TPPP2: variants seen among roughly 807,000 people sequenced by gnomAD.
TPPP2 encodes the protein tubulin polymerization promoting protein family member 2.
A neutral mutation model predicts 13.0 loss-of-function variants in TPPP2; 8 were observed. That is an observed-to-expected ratio of 0.62 (90% confidence interval 0.36 to 1.11). TPPP2 has a LOEUF of 1.11. TPPP2 is among the 50% of genes most tolerant of loss of function. TPPP2 has a pLI of 0.02. For missense variants in TPPP2, 213 were observed against 216.9 expected (o/e 0.98, Z 0.11); for synonymous variants, 81 against 81.8 (o/e 0.99, Z 0.05).
downstream of TPPP2, chr14:21,033,772 G>A (rs1459362624): frequency 1.6e-6 from 2 of 1,230,080 alleles, no homozygotes; most frequent in Admixed American, 3.4e-5. Flanking sequence ...GTTGGAAATG[G>A]AGACAGCTGG....
chr14:21,025,696 TC>T, upstream of TPPP2: 1 of 976,022 alleles, frequency 1.0e-6, no homozygotes, highest in Non-Finnish European at 1.2e-6. This position sits in a 1 kb window ranked among gnomAD's most constrained non-coding sequence, Gnocchi z 5.1. Context: ...CTTTGCTGCG[TC>T]CCGACGCCTG....
At chr14:21,025,461 G>A (rs1330786767), upstream of TPPP2, 2 of 985,374 alleles carry the variant, frequency 2.0e-6, no homozygotes, top group South Asian at 4.7e-5. This position sits in a 1 kb window ranked among gnomAD's most constrained non-coding sequence, Gnocchi z 5.1. Context: ...CCGGTAGTGG[G>A]GAGACGAACC....
At chr14:21,027,746 C>T (rs562724540), upstream of TPPP2, among the ~76,000 whole-genome samples, 1 of 152,290 alleles carries the variant, frequency 6.6e-6, no homozygotes, top group Admixed American at 6.5e-5. Flanking sequence ...TTTCAGAAAT[C>T]CTCACGCCAG....
chr14:21,025,794 T>G, upstream of TPPP2: 1,602 of 359,508 alleles, frequency 4.5e-3, no homozygotes, highest in Non-Finnish European at 5.4e-3. This position sits in a 1 kb window ranked among gnomAD's most constrained non-coding sequence, Gnocchi z 5.1. Flanking sequence ...TAGAGGGCGA[T>G]CGCGGGCAGG....
rs369708277 is a variant in TPPP2 at position 21,032,070 on chromosome 14, C to T, written c.506C>T (p.Thr169Ile). ...GGTTCTGGCACCTACGATAAGAAGA[C>T]CAAGTAGAGAGGAGCTTCATCTCAG... ...YKGSGTYDKK[T>I]K The change falls in exon 4 of 4, where the codon ACC (threonine) becomes ATC (isoleucine). Residue 169 changes from threonine to isoleucine, a missense_variant. Transcript: ENST00000321760. 1.3e-4 allele frequency: 205 copies of T among 1,612,916 alleles called. 7 individuals are homozygous for T. In the South Asian group the frequency reaches 2.2e-3, roughly 17 times the overall value.
chr14:21,033,752 G>T, downstream of TPPP2: 1 of 1,076,660 alleles, frequency 9.3e-7, no homozygotes, highest in Non-Finnish European at 1.4e-6. Flanking sequence ...CTTGTTACAG[G>T]GATCAGAGTG....
downstream of TPPP2, chr14:21,033,522 C>T: frequency 2.3e-6 from 1 of 439,616 alleles, no homozygotes; most frequent in Non-Finnish European, 4.2e-6. Flanking sequence ...AGTGGGTGGA[C>T]AGTCACTGCC....
rs1883153712 is a variant in TPPP2 at position 21,025,046 on chromosome 14, G to A, written n.236+702G>A. On this transcript the variant is annotated intron_variant and non_coding_transcript_variant, in intron 1 of 1. Transcript: ENST00000533755. The surrounding 1 kb of genome is among the most constrained non-coding windows in gnomAD (Gnocchi z 5.1). ...CCCCCTACCTGCTGCCGCCGCGGCCGCTTCCACCTTCACTTGCCTTTGACT... is the reference window on the plus strand; with the variant it reads ...CCCCCTACCTGCTGCCGCCGCGGCCACTTCCACCTTCACTTGCCTTTGACT... The A allele has an allele frequency of 1.0e-6, 1 of 985,876 alleles. No individual in the cohort carries two copies. The highest frequency in any genetic ancestry group is 1.2e-6 in the Non-Finnish European group (1 of 830,452). The allele number at this position is 985,876 out of a possible 1,614,324, so 61.1% of individuals were successfully genotyped here. A position where few individuals can be genotyped will look rare whatever the true frequency, so the allele number is the denominator to read the frequency against.
upstream of TPPP2, chr14:21,025,276 C>A: frequency 2.2e-6 from 2 of 912,398 alleles, no homozygotes; most frequent in Non-Finnish European, 2.6e-6. The surrounding 1 kb of genome is among the most constrained non-coding windows in gnomAD (Gnocchi z 5.1). Context: ...AGGCTCTGCT[C>A]GGCTCACCAA....
At chr14:21,031,450 GA>G (rs1230703500) in intron 3 of TPPP2, among the ~76,000 whole-genome samples, 1 of 152,186 alleles carries the variant, frequency 6.6e-6, no homozygotes, top group Non-Finnish European at 1.5e-5. Flanking sequence ...TTAGTGTAGA[GA>G]ATTTGGTACC....
At chr14:21,031,616 C>A (rs900984563) in intron 3 of TPPP2, among the ~76,000 whole-genome samples, 2 of 152,092 alleles carry the variant, frequency 1.3e-5, no homozygotes, top group African/African-American at 4.8e-5. Context: ...CAGGCAGCAG[C>A]CTAGTCAGAA....
At chr14:21,025,238 G>C, upstream of TPPP2, 1 of 841,866 alleles carries the variant, frequency 1.2e-6, no homozygotes, top group Non-Finnish European at 1.4e-6. The surrounding 1 kb of genome is among the most constrained non-coding windows in gnomAD (Gnocchi z 5.1). Flanking sequence ...GGGGCCGGGG[G>C]GCGAGGGGCG....
upstream of TPPP2, among the ~76,000 whole-genome samples, chr14:21,027,707 A>G (rs1465333848): frequency 6.6e-6 from 1 of 152,232 alleles, no homozygotes; most frequent in Non-Finnish European, 1.5e-5. Flanking sequence ...CACTCTTTAT[A>G]CATACAGATT....
upstream of TPPP2, among the ~76,000 whole-genome samples, chr14:21,027,541 A>G (rs1474904810): frequency 6.6e-6 from 1 of 152,240 alleles, no homozygotes; most frequent in African/African-American, 2.4e-5. Flanking sequence ...GTGGGAGATT[A>G]GAGATTTCCA....
Position 21,032,005 on chromosome 14 carries a change from A to G in TPPP2, c.441A>G (p.Glu147=), listed in dbSNP as rs778308455. The G allele has an allele frequency of 1.2e-6, 2 of 1,614,210 alleles. No homozygotes were observed. The highest frequency in any genetic ancestry group is 1.7e-6 in the Non-Finnish European group (2 of 1,180,034). The stretch of plus-strand genomic sequence containing the variant: ...AGGGCAAGGGCATTGCGGGACGGGA[A>G]GAGATGACTGACAACACAGGCTATG... The part of the protein sequence containing the change: ...SGKGKGIAGR[E]EMTDNTGYVS... The change falls in exon 4 of 4, where the codon GAA becomes GAG. Residue 147 remains glutamate (E), a synonymous_variant. Transcript: ENST00000321760.
At chr14:21,028,818 G>C (rs1213197021), upstream of TPPP2, 1 of 152,104 alleles carries the variant, frequency 6.6e-6, no homozygotes, top group Non-Finnish European at 1.5e-5. Flanking sequence ...CTTGAATAAG[G>C]GTGGAAGCAA....
rs1594456155 is a variant in TPPP2, at chr14:21,025,092, C to G, written n.236+748C>G. On this transcript the variant is annotated intron_variant and non_coding_transcript_variant, in intron 1 of 1. Transcript: ENST00000533755. The surrounding 1 kb of genome is among the most constrained non-coding windows in gnomAD (Gnocchi z 5.1). ...TGACTCGGGCCCGCCCCGGCTCGGG[C>G]TTCCCGCAGACCCGCCCCCGGCCCG... 7 of 985,772 alleles carry G rather than the reference C, an allele frequency of 7.1e-6. No homozygotes were observed. The South Asian group carries it at 2.8e-4, about 40-fold the overall frequency. The allele number at this position is 985,772 out of a possible 1,614,324, so 61.1% of individuals were successfully genotyped here. A position where few individuals can be genotyped will look rare whatever the true frequency, so the allele number is the denominator to read the frequency against.
At chr14:21,024,914 T>TGCTG in intron 1 of TPPP2, 1 of 985,698 alleles carries the variant, frequency 1.0e-6, no homozygotes, top group African/African-American at 1.7e-5. Flanking sequence ...GCCCGCTCCG[T>TGCTG]GCTGGCCCTT....
At chr14:21,034,173 T>C (rs780229036), downstream of TPPP2, 6 of 1,614,052 alleles carry the variant, frequency 3.7e-6, no homozygotes, top group Non-Finnish European at 3.4e-6. Context: ...AACCCTGGGA[T>C]AGTCAATGCT....
Sources: gnomAD v4.1 joint callset for allele counts (sites outside exome capture counted in the v4.1 genomes callset) on GRCh38, gnomAD v4.1.1 for gene constraint, Gnocchi (gnomAD v3.1) non-coding constraint, MANE v1.5 for transcripts, NCBI Gene and HGNC (gene_info 2026-07-23, HGNC 2026-07-21) for gene names.